TIMELESS: variants seen among roughly 807,000 people sequenced by gnomAD.
The protein encoded by TIMELESS is timeless circadian regulator, also known as protein timeless homolog.
Under a neutral mutation model 164.3 loss-of-function variants are expected in TIMELESS, and 124 were observed. That is an observed-to-expected ratio of 0.75 (90% CI 0.65 to 0.88). The LOEUF (loss-of-function observed/expected upper bound fraction) is 0.88. TIMELESS is among the 40% of genes least tolerant of loss of function. TIMELESS has a pLI of 0.00. For synonymous variants in TIMELESS, 564 were observed against 563.4 expected (o/e 1.00, Z -0.02); for missense variants, 1,422 against 1,491.4 (o/e 0.95, Z 0.77).
Position 56,434,096 on chromosome 12 carries a change from G to C in TIMELESS, c.75C>G (p.Tyr25Ter). The change falls in exon 2 of 29, where the codon TAC (tyrosine) becomes TAG (stop). Residue 25 changes from tyrosine to a stop codon, truncating the protein, a stop_gained. Transcript: ENST00000553532. LOFTEE classifies it high-confidence loss of function. ...SALGYLEGDT[Y>*]HKEPDCLESV... ...CACCTAAGCAATCTGGTTCCTTATG[G>C]TAAGTGTCTCCCTCCAAGTACCCAA... 3.7e-6 allele frequency: 6 copies of C among 1,614,054 alleles called. No individual in the cohort carries two copies. Among genetic ancestry groups the C allele is most frequent in the Non-Finnish European group, 5.1e-6 (6 of 1,179,958 alleles).
chr12:56,420,909 G>C, intron 24 of TIMELESS, 28 bp from the exon 25 acceptor site: 1 of 1,614,056 alleles, frequency 6.2e-7, no homozygotes, highest in Non-Finnish European at 8.5e-7. Flanking sequence ...ACTTACATTT[G>C]ACCCTACTCC....
intron 1 of TIMELESS, among the ~76,000 whole-genome samples, chr12:56,447,782 G>T (rs1868388548): frequency 6.6e-6 from 1 of 152,094 alleles, no homozygotes; most frequent in Admixed American, 6.6e-5. Flanking sequence ...AGGAAGAAGT[G>T]ACTAACTTGG....
intron 13 of TIMELESS, among the ~76,000 whole-genome samples, chr12:56,425,539 A>C (rs575633447): frequency 6.6e-6 from 1 of 152,326 alleles, no homozygotes; most frequent in South Asian, 2.1e-4. Flanking sequence ...GCTTCATAAA[A>C]TGCAAAGCAC....
In TIMELESS at chr12:56,424,816, T is replaced by C. The variant is rs774943851; in HGVS notation, c.1814A>G (p.Asp605Gly). The C allele has an allele frequency of 6.2e-7, 1 of 1,613,940 alleles. No homozygotes were observed. The highest frequency in any genetic ancestry group is 8.5e-7 in the Non-Finnish European group (1 of 1,180,014). Reference protein sequence around the residue: ...QRAEAMVRIQDCLLAGQAPQA... With the variant: ...QRAEAMVRIQGCLLAGQAPQA... ...TGGGGCCTGGCCAGCCAGGAGACAG[T>C]CTTGGATCCGTACCATAGCTTCTGC... is the stretch of plus-strand genomic sequence containing the variant. Residue 605 changes from aspartate to glycine, a missense_variant, in exon 15 of 29, where the codon GAC becomes GGC. Physicochemically the swap from Asp to Gly is moderately conservative, Grantham distance 94. Transcript: ENST00000553532.
intron 1 of TIMELESS, among the ~76,000 whole-genome samples, chr12:56,447,032 A>G (rs1868362658): frequency 1.4e-5 from 2 of 146,952 alleles, no homozygotes; most frequent in Non-Finnish European, 1.5e-5. Context: ...TTTTTTGGAG[A>G]CGAGTCTCAC....
chr12:56,433,455 G>A lies in TIMELESS; in HGVS notation c.367-12C>T. ...TCACTGGCAAAGGCCTGTGAAATAG[G>A]GAACCTGATCTTAAGTAGCAGTCAT... is the stretch of plus-strand genomic sequence containing the variant. On this transcript the variant is annotated splice_polypyrimidine_tract_variant and intron_variant, in intron 4 of 28. Coordinates refer to ENST00000553532, the MANE Select transcript of TIMELESS (RefSeq NM_003920.5). 6.2e-7 allele frequency: 1 copy of A among 1,614,176 alleles called. No individual in the cohort carries two copies. The highest frequency in any genetic ancestry group is 1.1e-5 in the South Asian group (1 of 91,086).
intron 2 of TIMELESS, 21 bp from the exon 3 acceptor site, chr12:56,433,947 A>G: frequency 6.2e-7 from 1 of 1,613,382 alleles, no homozygotes; most frequent in Non-Finnish European, 8.5e-7. Context: ...AGAACAAAAC[A>G]TGCATGTGGA....
intron 8 of TIMELESS, among the ~76,000 whole-genome samples, chr12:56,431,238 C>G (rs1881867357): frequency 6.6e-6 from 1 of 151,862 alleles, no homozygotes; most frequent in Non-Finnish European, 1.5e-5. Flanking sequence ...CCTGTAGTCC[C>G]AGCTACTGGG....
At chr12:56,419,133 A>C (rs1322667474) in intron 26 of TIMELESS, among the ~76,000 whole-genome samples, 1 of 151,998 alleles carries the variant, frequency 6.6e-6, no homozygotes, top group African/African-American at 2.4e-5. Context: ...GTGGGACTAC[A>C]GGTGCCTACC....
intron 13 of TIMELESS, among the ~76,000 whole-genome samples, chr12:56,425,866 C>A (rs113170870): frequency 6.6e-6 from 1 of 151,524 alleles, no homozygotes; most frequent in African/African-American, 2.4e-5. Flanking sequence ...CAGAGCGAGA[C>A]CCTGCTTAAA....
intron 8 of TIMELESS, 116 bp from the exon 9 acceptor site, chr12:56,431,084 T>G: frequency 4.5e-6 from 3 of 663,724 alleles, no homozygotes; most frequent in Non-Finnish European, 7.3e-6. Flanking sequence ...TCGGGCACGG[T>G]GGCTCACGCC....
Position 56,423,039 on chromosome 12 carries a change from A to T in TIMELESS, c.2293-47T>A, listed in dbSNP as rs202012121. Reference sequence around the variant, plus strand: ...ATGAGGCCTCTCTGGTCCAATGCAGACCCGAACCTGGCCCTCTAGGTATTT... The same window carrying T: ...ATGAGGCCTCTCTGGTCCAATGCAGTCCCGAACCTGGCCCTCTAGGTATTT... On this transcript the variant is annotated intron_variant, in intron 18 of 28. Coordinates refer to ENST00000553532, the MANE Select transcript of TIMELESS (RefSeq NM_003920.5). 1.7e-5 allele frequency: 27 copies of T among 1,583,598 alleles called. 1 individual carries two copies. In the Middle Eastern group the frequency reaches 7.1e-4, roughly 41 times the overall value.
chr12:56,425,827 A>T (rs1487362000), intron 13 of TIMELESS, among the ~76,000 whole-genome samples: 1 of 152,160 alleles, frequency 6.6e-6, no homozygotes, highest in Non-Finnish European at 1.5e-5. Flanking sequence ...GTGAGCTGAG[A>T]TTCAGCCACT....
intron 23 of TIMELESS, 58 bp from the exon 24 acceptor site, chr12:56,421,192 G>A: frequency 1.2e-6 from 2 of 1,608,046 alleles, no homozygotes; most frequent in Non-Finnish European, 1.7e-6. Flanking sequence ...GAACTTAGTG[G>A]AGTCTCCTCG....
At chr12:56,420,786 T>C (rs812279) in intron 25 of TIMELESS, 27 bp downstream of exon 25, 4 of 1,613,640 alleles carry the variant, frequency 2.5e-6, no homozygotes, top group Non-Finnish European at 2.5e-6. Flanking sequence ...AGGGCTCTTC[T>C]CCTAAAAGTG....
intron 19 of TIMELESS, among the ~76,000 whole-genome samples, chr12:56,422,582 A>C (rs192281122): frequency 6.6e-5 from 10 of 152,294 alleles, no homozygotes; most frequent in Non-Finnish European, 1.5e-4. Context: ...CTGGGCAACC[A>C]CCCAGCTCCC....
In TIMELESS at chr12:56,431,606, T is replaced by C; in HGVS notation, c.688-2A>G. 1.2e-6 allele frequency: 2 copies of C among 1,609,632 alleles called. No homozygotes were observed. Among genetic ancestry groups the C allele is most frequent in the South Asian group, 2.2e-5 (2 of 90,740 alleles). ...TACTCCCGCCAGCTGCTCGGGGTTC[T>C]AGATTGGAACAAAGAGGGAAGAATC... On this transcript the variant is annotated splice_acceptor_variant, in intron 7 of 28. Coordinates refer to ENST00000553532, the MANE Select transcript of TIMELESS (RefSeq NM_003920.5). LOFTEE classifies it high-confidence loss of function.
Position 56,431,551 on chromosome 12 carries a change from A to AGAT in TIMELESS, c.740_741insATC (p.Arg246dup). On this transcript the variant is annotated inframe_insertion, in exon 8 of 29. Transcript: ENST00000553532. ...ACACCTCCAGTTCTGCAAAATCTGC[A>AGAT]CTCCGCTCCTGAGCTAAGCGTCCCT... The AGAT allele has an allele frequency of 6.2e-7, 1 of 1,613,110 alleles. No homozygotes were observed. Among genetic ancestry groups the AGAT allele is most frequent in the Non-Finnish European group, 8.5e-7 (1 of 1,179,752 alleles).
Position 56,417,952 on chromosome 12 carries a change from G to A in TIMELESS, c.3511C>T (p.Leu1171=). The A allele has an allele frequency of 6.2e-7, 1 of 1,614,218 alleles. No homozygotes were observed. Among genetic ancestry groups the A allele is most frequent in the Non-Finnish European group, 8.5e-7 (1 of 1,180,050 alleles). ...LKAAPKKRQL[L]DSDEEQEEDE... is the part of the protein sequence containing the mutation. Reference sequence around the variant, plus strand: ...TCTTCCTGTTCCTCGTCGCTGTCCAGCAATTGTCGTTTCTTGGGTGCTGCC... The same window carrying A: ...TCTTCCTGTTCCTCGTCGCTGTCCAACAATTGTCGTTTCTTGGGTGCTGCC... Residue 1171 remains leucine (L), a synonymous_variant, in exon 28 of 29, where the codon CTG becomes TTG. Coordinates refer to ENST00000553532, the MANE Select transcript of TIMELESS (RefSeq NM_003920.5).
Sources: allele counts gnomAD v4.1 joint callset (sites outside exome capture counted in the v4.1 genomes callset), GRCh38; gene constraint gnomAD v4.1.1; transcripts MANE v1.5; gene names NCBI Gene and HGNC (gene_info 2026-07-23, HGNC 2026-07-21).